Variants in MAP2 observed in about 807,000 individuals in gnomAD.
MAP2 encodes microtubule associated protein 2, also known as microtubule-associated protein 2.
A neutral mutation model predicts 137.6 loss-of-function variants in MAP2; 14 were observed. That is an observed-to-expected ratio of 0.10 (90% CI 0.07 to 0.16). MAP2 has a LOEUF of 0.16. MAP2 is among the 10% of genes least tolerant of loss of function. The pLI is 1.00. For synonymous variants in MAP2, 786 were observed against 782.3 expected, an observed-to-expected ratio of 1.00 and a Z score of -0.08; for missense variants, 2,088 against 2,191.5, an observed-to-expected ratio of 0.95 and a Z score of 0.94.
intron 3 of MAP2, among the ~76,000 whole-genome samples, chr2:209,582,345 T>G (rs904080195): frequency 4.6e-5 from 7 of 152,150 alleles, no homozygotes; most frequent in African/African-American, 1.7e-4. Flanking sequence ...TTCTTTAGGC[T>G]GTACGGAATA....
intron 3 of MAP2, among the ~76,000 whole-genome samples, chr2:209,614,703 C>T (rs1383219151): frequency 1.3e-5 from 2 of 152,058 alleles, no homozygotes. Flanking sequence ...TGTTGGCTGC[C>T]ACTGTTAAGA....
In MAP2 at chr2:209,706,510, GACCCTCTAGAGAGGGTAACTTGTCCAGTT is replaced by G. The variant is rs531382829; in HGVS notation, c.4732+804_4732+832del. On this transcript the variant is annotated intron_variant, in intron 12 of 15. Transcript: ENST00000682079. Reference sequence around the variant, plus strand: ...AATTCATTCTACTGATGAGAAAACTGACCCTCTAGAGAGGGTAACTTGTCCAGTTACCCTCTAGAGAGGGTAACTGCTTC... The same window carrying G: ...AATTCATTCTACTGATGAGAAAACTGACCCTCTAGAGAGGGTAACTGCTTC... 3.3e-3 allele frequency among the ~76,000 whole-genome samples: 494 copies of G among 151,986 alleles called. 1 individual carries two copies. The highest frequency in any genetic ancestry group is 6.4e-3 in the Admixed American group (97 of 15,246).
intron 3 of MAP2, among the ~76,000 whole-genome samples, chr2:209,595,735 G>C (rs926083555): frequency 6.6e-6 from 1 of 152,196 alleles, no homozygotes; most frequent in Non-Finnish European, 1.5e-5. Context: ...ACTGGATTAA[G>C]AAAATGTGGC....
rs936554062 is a variant in MAP2 at position 209,731,820 on chromosome 2, C to T, written c.*1423C>T. 6.6e-6 allele frequency: 1 copy of T among 152,024 alleles called. No individual in the cohort carries two copies. Among genetic ancestry groups the T allele is most frequent in the Non-Finnish European group, 1.5e-5 (1 of 68,006 alleles). The allele number at this position is 152,024 out of a possible 1,614,324, so 9.4% of individuals were successfully genotyped here. A position where few individuals can be genotyped will look rare whatever the true frequency, so the allele number is the denominator to read the frequency against. On this transcript the variant is annotated 3_prime_UTR_variant, in exon 16 of 16. Coordinates refer to ENST00000682079, the MANE Select transcript of MAP2 (RefSeq NM_001375505.1). Reference sequence around the variant, plus strand: ...ACTTTGGGAAGCTATAGCTATAAAACACTTGAGACACAGATATCTAAATCA... The same window carrying T: ...ACTTTGGGAAGCTATAGCTATAAAATACTTGAGACACAGATATCTAAATCA...
chr2:209,699,572 A>G (rs1269750837), intron 10 of MAP2, among the ~76,000 whole-genome samples: 2 of 152,206 alleles, frequency 1.3e-5, no homozygotes, highest in Admixed American at 6.5e-5. Context: ...AAACAGCAGC[A>G]AGAGAAACAA....
At chr2:209,647,218 G>T (rs920212376) in intron 4 of MAP2, among the ~76,000 whole-genome samples, 1 of 152,034 alleles carries the variant, frequency 6.6e-6, no homozygotes, top group Admixed American at 6.6e-5. Context: ...ACCACACCAC[G>T]ATCCAGTCAC....
Position 209,607,666 on chromosome 2 carries a change from C to T in MAP2, c.-106-17387C>T, listed in dbSNP as rs904415074. ...GCCAGGCTGATCTCGAACTCCTGAC[C>T]TCAGGTGATCCACCCACCTTGGCCT... On this transcript the variant is annotated intron_variant, in intron 3 of 15. Coordinates refer to ENST00000682079, the MANE Select transcript of MAP2 (RefSeq NM_001375505.1). Among the ~76,000 whole-genome samples, 3 of 152,250 alleles carry T rather than the reference C, an allele frequency of 2.0e-5. No homozygotes were observed. The South Asian group carries it at 6.2e-4, about 32-fold the overall frequency.
chr2:209,489,003 C>A (rs2058743678), intron 1 of MAP2, among the ~76,000 whole-genome samples: 1 of 152,302 alleles, frequency 6.6e-6, no homozygotes, highest in African/African-American at 2.4e-5. Context: ...GGAGATACCT[C>A]CCAGCAGGGG....
At chr2:209,702,940 T>C (rs550719557) in intron 11 of MAP2, among the ~76,000 whole-genome samples, 1 of 152,184 alleles carries the variant, frequency 6.6e-6, no homozygotes, top group East Asian at 1.9e-4. Context: ...AAGATAATAA[T>C]CTCCTTGGCT....
chr2:209,506,286 T>C (rs1035375900), intron 1 of MAP2, among the ~76,000 whole-genome samples: 1 of 152,228 alleles, frequency 6.6e-6, no homozygotes, highest in Non-Finnish European at 1.5e-5. Flanking sequence ...AAATCAACTA[T>C]TTCATATTCA....
intron 13 of MAP2, among the ~76,000 whole-genome samples, chr2:209,714,541 T>C (rs80156441): frequency 0.1 from 15,698 of 152,312 alleles, 956 homozygotes; most frequent in East Asian, 0.23. Flanking sequence ...CATATTGCTT[T>C]CCCAATCAGC....
At chr2:209,649,872 C>A (rs985884356) in intron 4 of MAP2, among the ~76,000 whole-genome samples, 24 of 152,106 alleles carry the variant, frequency 1.6e-4, no homozygotes, top group African/African-American at 5.8e-4. Flanking sequence ...GTATGGCTAG[C>A]CAGCCTTTTC....
At chr2:209,547,627 G>A (rs1222240264) in intron 2 of MAP2, among the ~76,000 whole-genome samples, 1 of 152,100 alleles carries the variant, frequency 6.6e-6, no homozygotes, top group South Asian at 2.1e-4. Flanking sequence ...CTACTTATTT[G>A]TGGTGTATCT....
At chr2:209,516,453 G>A (rs775078252) in intron 2 of MAP2, among the ~76,000 whole-genome samples, 28 of 152,118 alleles carry the variant, frequency 1.8e-4, no homozygotes, top group South Asian at 1.0e-3. Flanking sequence ...AAACAGCTAC[G>A]GTGGCATCTT....
intron 2 of MAP2, among the ~76,000 whole-genome samples, chr2:209,512,703 A>G (rs34306770): frequency 0.058 from 8,785 of 152,126 alleles, 288 homozygotes; most frequent in South Asian, 0.092. Flanking sequence ...ATGGAGTGGT[A>G]CAATCATAGC....
At position 209,435,970 on chromosome 2, in the gene MAP2, T is replaced by G. The variant is rs1695938224; in HGVS notation, c.-222+11694T>G. Among the ~76,000 whole-genome samples, 2 of 135,202 alleles carry G rather than the reference T, an allele frequency of 1.5e-5. 1 individual carries two copies. The highest frequency in any genetic ancestry group is 3.1e-5 in the Non-Finnish European group (2 of 64,372). The allele number at this position is 135,202 out of a possible 152,430, so 88.7% of individuals were successfully genotyped here. A position where few individuals can be genotyped will look rare whatever the true frequency, so the allele number is the denominator to read the frequency against. ...TACTATATATACAGTATATATTATA[T>G]ATAATATATACAGTATATATTATAT... On this transcript the variant is annotated intron_variant, in intron 1 of 15. Coordinates refer to ENST00000682079, the MANE Select transcript of MAP2 (RefSeq NM_001375505.1).
At chr2:209,514,196 A>G (rs1056659411) in intron 2 of MAP2, among the ~76,000 whole-genome samples, 1 of 152,156 alleles carries the variant, frequency 6.6e-6, no homozygotes, top group African/African-American at 2.4e-5. Context: ...ATACAAAGAT[A>G]TTAATATACT....
At chr2:209,605,722 T>G (rs1559395450) in intron 3 of MAP2, among the ~76,000 whole-genome samples, 1 of 152,176 alleles carries the variant, frequency 6.6e-6, no homozygotes, top group Non-Finnish European at 1.5e-5. Context: ...AAATAATTAT[T>G]TGTTAAAGTG....
chr2:209,619,382 T>C (rs2090480929), intron 3 of MAP2, among the ~76,000 whole-genome samples: 1 of 152,150 alleles, frequency 6.6e-6, no homozygotes, highest in Non-Finnish European at 1.5e-5. Context: ...CATCATATTA[T>C]ACATGATAAA....
Sources: allele counts gnomAD v4.1 joint callset (sites outside exome capture counted in the v4.1 genomes callset), GRCh38; gene constraint gnomAD v4.1.1; transcripts MANE v1.5; gene names NCBI Gene and HGNC (gene_info 2026-07-23, HGNC 2026-07-21).